CDNF: variants seen among roughly 807,000 people sequenced by gnomAD.
CDNF encodes cerebral dopamine neurotrophic factor, also known as ARMET-like protein 1.
Under a neutral mutation model 14.8 loss-of-function variants are expected in CDNF, and 9 were observed. The observed-to-expected ratio is 0.61, with a 90% CI of 0.37 to 1.06. The LOEUF (loss-of-function observed/expected upper bound fraction) is 1.06, where lower values mean the gene tolerates loss of function less well. CDNF is among the 50% of genes least tolerant of loss of function. The pLI is 0.01. For missense variants in CDNF, 228 were observed against 228.4 expected (o/e 1.00, Z 0.01); for synonymous variants, 86 against 87.2 (o/e 0.99, Z 0.07).
In CDNF at chr10:14,820,116, C is replaced by CT. The variant is rs1364049888; in HGVS notation, c.427dup (p.Arg143LysfsTer11). ...CAGGATCTGCTTCAGCTCTGCCACT[C>CT]TCATCTTCCGCAGGTCAACTGATGC... On this transcript the variant is annotated frameshift_variant, in exon 4 of 4. Transcript: ENST00000465530. LOFTEE classifies it low-confidence loss of function (END_TRUNC). 6.2e-7 allele frequency: 1 copy of CT among 1,614,150 alleles called. No homozygotes were observed. The highest frequency in any genetic ancestry group is 8.5e-7 in the Non-Finnish European group (1 of 1,180,030).
intron 3 of CDNF, among the ~76,000 whole-genome samples, chr10:14,823,295 C>T (rs950156198): frequency 6.6e-6 from 1 of 152,138 alleles, no homozygotes; most frequent in Non-Finnish European, 1.5e-5. Context: ...CCCCAAAACT[C>T]CAAAGTAAAG....
chr10:14,827,933 G>A (rs1007364547), intron 2 of CDNF, among the ~76,000 whole-genome samples: 1 of 152,096 alleles, frequency 6.6e-6, no homozygotes, highest in Non-Finnish European at 1.5e-5. Context: ...TATCTGTGGT[G>A]TACTCAGAAA....
At chr10:14,831,939 T>A (rs770143231) in intron 1 of CDNF, among the ~76,000 whole-genome samples, 9 of 152,222 alleles carry the variant, frequency 5.9e-5, no homozygotes, top group Non-Finnish European at 8.8e-5. Context: ...CAGTTATTCA[T>A]GTTTTTAACA....
intron 3 of CDNF, among the ~76,000 whole-genome samples, chr10:14,823,947 G>C (rs921208308): frequency 6.6e-6 from 1 of 152,200 alleles, no homozygotes; most frequent in African/African-American, 2.4e-5. Flanking sequence ...CTTGTGCTTT[G>C]CAAGTTAAGA....
intron 1 of CDNF, among the ~76,000 whole-genome samples, chr10:14,831,731 C>T (rs938564043): frequency 3.3e-5 from 5 of 152,010 alleles, no homozygotes; most frequent in African/African-American, 7.3e-5. Flanking sequence ...TGTGCCACCA[C>T]ACCCAGCTAA....
chr10:14,830,288 G>A (rs967994397), intron 1 of CDNF, among the ~76,000 whole-genome samples: 5 of 151,952 alleles, frequency 3.3e-5, no homozygotes, highest in Non-Finnish European at 7.4e-5. Context: ...TTTCCTTATA[G>A]TCCCCTATGG....
intron 1 of CDNF, among the ~76,000 whole-genome samples, chr10:14,828,918 G>A (rs1450314041): frequency 1.3e-5 from 2 of 151,970 alleles, no homozygotes; most frequent in East Asian, 1.9e-4. Flanking sequence ...TCAGCTACTC[G>A]AGAGGCTGAG....
At chr10:14,826,308 AAGAAGCAGCAGAAGTGGAGGAATC>A (rs953298259) in intron 2 of CDNF, among the ~76,000 whole-genome samples, 3 of 147,706 alleles carry the variant, frequency 2.0e-5, no homozygotes, top group African/African-American at 8.0e-5. Flanking sequence ...GCAGCAGCAG[AAGAAGCAGCAGAAGTGGAGGAATC>A]AGAAGCAGCA....
At chr10:14,835,914 C>G (rs558215579) in intron 1 of CDNF, among the ~76,000 whole-genome samples, 1 of 152,334 alleles carries the variant, frequency 6.6e-6, no homozygotes, top group Non-Finnish European at 1.5e-5. Context: ...GCCAATTCTA[C>G]TATACAGCCA....
chr10:14,826,043 G>GAAA, intron 2 of CDNF, among the ~76,000 whole-genome samples: 1 of 113,062 alleles, frequency 8.8e-6, no homozygotes, highest in Admixed American at 9.5e-5. Context: ...AGAAGAAGAA[G>GAAA]AAGAAGAAGA....
chr10:14,837,848 T>TGGCCGCCCCCC lies in CDNF; in HGVS notation c.88_98dup (p.Ala35GlyfsTer14). ...ACCGCTCACCTTCACAGTCGGCCCC[T>TGGCCGCCCCCC]GGCCGCCCCCCGGCCTCCTGGCCCT... On this transcript the variant is annotated frameshift_variant, in exon 1 of 4. Transcript: ENST00000465530. LOFTEE classifies it high-confidence loss of function. The TGGCCGCCCCCC allele has an allele frequency of 6.3e-7, 1 of 1,594,648 alleles. No homozygotes were observed. The highest frequency in any genetic ancestry group is 8.5e-7 in the Non-Finnish European group (1 of 1,173,074).
chr10:14,820,249 T>C, intron 3 of CDNF, 91 bp from the exon 4 acceptor site: 2 of 1,296,108 alleles, frequency 1.5e-6, no homozygotes, highest in Admixed American at 2.1e-5. Context: ...TTTGCTTATC[T>C]TGGTGCTGAC....
rs891856278 is a variant in CDNF, at chr10:14,821,364, T to A, written c.386-1206A>T. ...ATCTTGAACTTCTCACCTCAGCTGA[T>A]CCGCCTGCCACGGCCTCCCAAAGTG... On this transcript the variant is annotated intron_variant, in intron 3 of 3. Coordinates refer to ENST00000465530, the MANE Select transcript of CDNF (RefSeq NM_001029954.3). Among the ~76,000 whole-genome samples, 4 of 152,202 alleles carry A rather than the reference T, an allele frequency of 2.6e-5. 1 individual carries two copies. The South Asian group carries it at 8.3e-4, about 31-fold the overall frequency.
intron 1 of CDNF, among the ~76,000 whole-genome samples, chr10:14,832,908 G>A (rs112365140): frequency 6.8e-4 from 95 of 139,896 alleles, no homozygotes; most frequent in African/African-American, 2.3e-3. Context: ...TGCCCAGGCT[G>A]GAGTGCAGCG....
chr10:14,826,038 A>AAGCAGCAGAAGAAGCAGAAGCAGAAGC (rs1833780183), intron 2 of CDNF, among the ~76,000 whole-genome samples: 1 of 79,168 alleles, frequency 1.3e-5, no homozygotes, highest in Admixed American at 1.3e-4. Flanking sequence ...GGAGAAGAAG[A>AAGCAGCAGAAGAAGCAGAAGCAGAAGC]AGAAGAAGAA....
Position 14,820,105 on chromosome 10 carries a change from G to A in CDNF, c.439C>T (p.Leu147=), listed in dbSNP as rs956718529. The change falls in exon 4 of 4, where the codon CTG becomes TTG. Residue 147 remains leucine (L), a synonymous_variant. Transcript: ENST00000465530. The stretch of plus-strand genomic sequence containing the variant: ...CCCCAGCTATGCAGGATCTGCTTCA[G>A]CTCTGCCACTCTCATCTTCCGCAGG... ...VDLRKMRVAE[L]KQILHSWGEE... 1.2e-6 allele frequency: 2 copies of A among 1,614,140 alleles called. No homozygotes were observed. The highest frequency in any genetic ancestry group is 1.7e-6 in the Non-Finnish European group (2 of 1,180,012).
chr10:14,828,240 A>G lies in CDNF; in HGVS notation c.148T>C (p.Ser50Pro), dbSNP rs150464447. 10 of 1,613,436 alleles carry G rather than the reference A, an allele frequency of 6.2e-6. No homozygotes were observed. Among genetic ancestry groups the G allele is most frequent in the Non-Finnish European group, 8.5e-6 (10 of 1,179,502 alleles). The part of the protein sequence containing the change: ...CKEFLNRFYK[S>P]LIDRGVNFSL... ...AAGTTAACTCCTCTGTCTATCAGTG[A>G]CTTGTAGAATCGGTTCAAGAATTCT... The change falls in exon 2 of 4, where the codon TCA becomes CCA. Residue 50 changes from serine (S) to proline (P), a missense_variant. Ser to Pro is a moderately conservative substitution (Grantham distance 74, BLOSUM62 -1). Coordinates refer to ENST00000465530, the MANE Select transcript of CDNF (RefSeq NM_001029954.3).
chr10:14,828,062 G>A, intron 2 of CDNF, 83 bp downstream of exon 2: 4 of 1,392,776 alleles, frequency 2.9e-6, no homozygotes, highest in Non-Finnish European at 4.0e-6. Context: ...CATGTAAGTA[G>A]GAGGACTTCA....
intron 3 of CDNF, among the ~76,000 whole-genome samples, chr10:14,824,858 CAGG>C (rs1833766116): frequency 6.6e-6 from 1 of 152,080 alleles, no homozygotes; most frequent in African/African-American, 2.4e-5. Flanking sequence ...TCCAAATCAC[CAGG>C]AGTAGCTGCT....
Sources: allele counts gnomAD v4.1 joint callset (sites outside exome capture counted in the v4.1 genomes callset), GRCh38; gene constraint gnomAD v4.1.1; transcripts MANE v1.5; gene names NCBI Gene and HGNC (gene_info 2026-07-23, HGNC 2026-07-21).